ATP6V0A4: variants seen among roughly 807,000 people sequenced by gnomAD.
The protein encoded by ATP6V0A4 is V-type proton ATPase 116 kDa subunit a 4.
A neutral mutation model predicts 107.3 loss-of-function variants in ATP6V0A4; 86 were observed. The ratio of observed to expected loss-of-function variants is 0.80; its 90% CI spans 0.67 to 0.96. The LOEUF is 0.96. Ranked by LOEUF, ATP6V0A4 falls within the 40% of genes least tolerant of loss-of-function variation. The probability of loss-of-function intolerance (pLI) is 0.00; values close to 1 mark genes in which losing one functional copy is unlikely to be tolerated. For synonymous variants in ATP6V0A4, 353 were observed against 381.4 expected, an observed-to-expected ratio of 0.93 and a Z score of 0.87; for missense variants, 908 against 1,045.6, an observed-to-expected ratio of 0.87 and a Z score of 1.81.
At chr7:138,784,030 C>G (rs1388723298) in intron 2 of ATP6V0A4, among the ~76,000 whole-genome samples, 7 of 151,684 alleles carry the variant, frequency 4.6e-5, no homozygotes, top group African/African-American at 7.3e-5. Context: ...GCTCTAGCCC[C>G]CAAAAGGGTG....
In ATP6V0A4 at chr7:138,718,428, C is replaced by T. The variant is rs557074287; in HGVS notation, c.2140-2547G>A. The stretch of plus-strand genomic sequence containing the variant: ...GGAAGGAAGGGGGGGCGTGCAGTCA[C>T]GGATGTCTGCGGAGGGAGACATCCA... On this transcript the variant is annotated intron_variant, in intron 19 of 21. Transcript: ENST00000310018. Among the ~76,000 whole-genome samples, 3 of 88,670 alleles carry T rather than the reference C, an allele frequency of 3.4e-5. No homozygotes were observed. In the East Asian group the frequency reaches 1.1e-3, roughly 31 times the overall value. 58.2% of individuals were successfully genotyped at this position (88,670 alleles called of 152,430 possible). A position where few individuals can be genotyped will look rare whatever the true frequency, so the allele number is the denominator to read the frequency against.
intron 15 of ATP6V0A4, among the ~76,000 whole-genome samples, chr7:138,738,995 T>A (rs1042955208): frequency 2.0e-5 from 3 of 152,238 alleles, no homozygotes; most frequent in African/African-American, 7.2e-5. Flanking sequence ...AACCGCTTTA[T>A]ATCTACAGGC....
At chr7:138,788,014 A>T (rs1808246500) in intron 1 of ATP6V0A4, among the ~76,000 whole-genome samples, 1 of 152,098 alleles carries the variant, frequency 6.6e-6, no homozygotes, top group South Asian at 2.1e-4. Context: ...ACGGAAAAAG[A>T]AAAAAAGAGA....
chr7:138,728,684 T>C, intron 18 of ATP6V0A4, 77 bp downstream of exon 18: 1 of 1,599,034 alleles, frequency 6.3e-7, no homozygotes, highest in East Asian at 2.2e-5. Flanking sequence ...GACGATTCTC[T>C]CTAAACCCAA....
At position 138,708,281 on chromosome 7, in the gene ATP6V0A4, G is replaced by A. The variant is rs188330892; in HGVS notation, c.2429+1343C>T. On this transcript the variant is annotated intron_variant, in intron 21 of 21. Transcript: ENST00000310018. ...ATCAGGTCACAAACTCCTGACCTCA[G>A]CTGATCCGCCCGCCTTGGCCTCCCA... Among the ~76,000 whole-genome samples the A allele has an allele frequency of 2.8e-3, 430 of 152,134 alleles. 9 individuals carry two copies. The highest frequency in any genetic ancestry group is 0.019 in the East Asian group (98 of 5,146).
chr7:138,797,310 C>T (rs186668505), intron 1 of ATP6V0A4, among the ~76,000 whole-genome samples: 13 of 150,506 alleles, frequency 8.6e-5, no homozygotes, highest in East Asian at 5.9e-4. Context: ...CTCTGTCTTC[C>T]GGGTTCAAGC....
chr7:138,795,236 C>T (rs1808602109), intron 1 of ATP6V0A4, among the ~76,000 whole-genome samples: 1 of 152,166 alleles, frequency 6.6e-6, no homozygotes, highest in Non-Finnish European at 1.5e-5. Flanking sequence ...AAAGTTCTTC[C>T]ATCTGTAGAT....
chr7:138,769,924 C>T (rs1377658076), intron 3 of ATP6V0A4, among the ~76,000 whole-genome samples: 1 of 151,884 alleles, frequency 6.6e-6, no homozygotes, highest in Non-Finnish European at 1.5e-5. Context: ...CAAAAAATTA[C>T]AAAATTAACC....
chr7:138,763,802 T>C (rs1806947400), intron 5 of ATP6V0A4, among the ~76,000 whole-genome samples: 2 of 151,624 alleles, frequency 1.3e-5, no homozygotes, highest in South Asian at 4.2e-4. Flanking sequence ...CTGGCCAACA[T>C]GGTGAAACCC....
At chr7:138,718,331 T>A (rs1370756402) in intron 19 of ATP6V0A4, among the ~76,000 whole-genome samples, 1 of 88,496 alleles carries the variant, frequency 1.1e-5, no homozygotes, top group African/African-American at 4.4e-5. Context: ...CAGTTATGGA[T>A]GTCTGCGGAG....
At chr7:138,760,029 C>T (rs1806722937) in intron 7 of ATP6V0A4, 151 bp from the exon 8 acceptor site, 1 of 1,384,522 alleles carries the variant, frequency 7.2e-7, no homozygotes, top group African/African-American at 1.4e-5. Flanking sequence ...GACATGAGTC[C>T]CAAGGCCACC....
In ATP6V0A4 at chr7:138,762,253, A is replaced by G. The variant is rs3823499; in HGVS notation, c.512+87T>C. The G allele has an allele frequency of 0.11, 161,149 of 1,499,858 alleles. 10,268 individuals carry two copies. Among genetic ancestry groups the G allele is most frequent in the East Asian group, 0.31 (13,765 of 44,084 alleles). The allele number at this position is 1,499,858 out of a possible 1,614,324, so 92.9% of individuals were successfully genotyped here. A position where few individuals can be genotyped will look rare whatever the true frequency, so the allele number is the denominator to read the frequency against. On this transcript the variant is annotated intron_variant, in intron 7 of 21. Transcript: ENST00000310018. ...TCCATGGGAAACAGTCCCCATTCCA[A>G]TGGCTATTTGTTCACCCGTTCATTC...
At chr7:138,762,580 C>A in intron 6 of ATP6V0A4, 146 bp from the exon 7 acceptor site, 3 of 1,433,128 alleles carry the variant, frequency 2.1e-6, no homozygotes, top group Non-Finnish European at 9.3e-7. Context: ...GTGCTCCTGG[C>A]CAGATCAAAA....
At chr7:138,715,449 A>T (rs1803989429) in intron 20 of ATP6V0A4, among the ~76,000 whole-genome samples, 2 of 151,860 alleles carry the variant, frequency 1.3e-5, no homozygotes, top group Admixed American at 6.6e-5. Flanking sequence ...ATTCGCCCAA[A>T]CTCTGCCTCC....
rs183338562 is a variant in ATP6V0A4 at position 138,707,844 on chromosome 7, C to T, written c.2430-1127G>A. Among the ~76,000 whole-genome samples the T allele has an allele frequency of 2.0e-5, 3 of 151,334 alleles. No homozygotes were observed. The Admixed American group carries it at 2.0e-4, about 10-fold the overall frequency. On this transcript the variant is annotated intron_variant, in intron 21 of 21. Transcript: ENST00000310018. ...AACTCTTCCTTCATGGAAGGAGCTT[C>T]CCCACCCCCATGACAAGCCAAGACA...
chr7:138,795,698 T>C (rs895479114), intron 1 of ATP6V0A4, among the ~76,000 whole-genome samples: 2 of 152,220 alleles, frequency 1.3e-5, no homozygotes, highest in African/African-American at 4.8e-5. Context: ...TGGAGTGCAG[T>C]GGTGCCATCT....
At chr7:138,730,395 T>C (rs1002061674) in intron 17 of ATP6V0A4, among the ~76,000 whole-genome samples, 5 of 150,416 alleles carry the variant, frequency 3.3e-5, no homozygotes, top group African/African-American at 7.3e-5. Flanking sequence ...TGGCTATCCT[T>C]TGATATTCAA....
At chr7:138,792,703 A>G (rs1054006240) in intron 1 of ATP6V0A4, among the ~76,000 whole-genome samples, 9 of 151,354 alleles carry the variant, frequency 5.9e-5, no homozygotes, top group African/African-American at 2.2e-4. Context: ...GGCTCAAGCA[A>G]TCCTCCTATC....
intron 2 of ATP6V0A4, among the ~76,000 whole-genome samples, chr7:138,777,613 C>T (rs935528102): frequency 1.6e-4 from 6 of 38,170 alleles, no homozygotes; most frequent in Non-Finnish European, 2.7e-4. Context: ...GAAACTCCGT[C>T]TCAAAAAAAA....
Sources: allele counts gnomAD v4.1 joint callset (sites outside exome capture counted in the v4.1 genomes callset), GRCh38; gene constraint gnomAD v4.1.1; transcripts MANE v1.5; gene names NCBI Gene and HGNC (gene_info 2026-07-23, HGNC 2026-07-21).